KIAA0319: variants seen among roughly 807,000 people sequenced by gnomAD.
KIAA0319 encodes the protein KIAA0319.
Under a neutral mutation model 108.4 loss-of-function variants are expected in KIAA0319, and 83 were observed. The ratio of observed to expected loss-of-function variants is 0.77; its 90% confidence interval spans 0.64 to 0.92. The LOEUF (loss-of-function observed/expected upper bound fraction) is 0.92. Among genes scored for constraint, KIAA0319 ranks in the 40% least tolerant of loss-of-function variants. KIAA0319 has a pLI of 0.00. For synonymous variants in KIAA0319, 484 were observed against 510.4 expected (o/e 0.95, Z 0.70); for missense variants, 1,195 against 1,322.4 (o/e 0.90, Z 1.49).
chr6:24,583,682 C>A lies in KIAA0319; in HGVS notation c.1015G>T (p.Ala339Ser). The A allele has an allele frequency of 6.2e-7, 1 of 1,612,036 alleles. No homozygotes were observed. The highest frequency in any genetic ancestry group is 8.5e-7 in the Non-Finnish European group (1 of 1,178,368). Residue 339 changes from alanine to serine, a missense_variant, in exon 5 of 21, where the codon GCT (alanine) becomes TCT (serine). Physicochemically the swap from Ala to Ser is moderately conservative, Grantham distance 99. Coordinates refer to ENST00000378214, the MANE Select transcript of KIAA0319 (RefSeq NM_014809.4). ...AAAGTTATAATTAGGTTATCTCCAGCCGATACCGTAAGTTCTTTCACTAAA... is the reference window on the plus strand; with the variant it reads ...AAAGTTATAATTAGGTTATCTCCAGACGATACCGTAAGTTCTTTCACTAAA... ...PRTVKELTVS[A>S]GDNLIITLPD...
chr6:24,617,782 T>A (rs1773368845), intron 1 of KIAA0319, among the ~76,000 whole-genome samples: 1 of 151,678 alleles, frequency 6.6e-6, no homozygotes, highest in African/African-American at 2.4e-5. Context: ...AGGTCAGGAG[T>A]TCAAGACCAG....
chr6:24,557,685 C>T (rs940918653), intron 17 of KIAA0319, among the ~76,000 whole-genome samples: 2 of 151,962 alleles, frequency 1.3e-5, no homozygotes, highest in Non-Finnish European at 2.9e-5. Context: ...GGAGCATATC[C>T]AGGGTAGAAT....
intron 1 of KIAA0319, among the ~76,000 whole-genome samples, chr6:24,610,940 T>C (rs1187350286): frequency 1.3e-5 from 2 of 152,118 alleles, no homozygotes; most frequent in Non-Finnish European, 2.9e-5. Context: ...TGCTAGAGCA[T>C]GATAAACTTT....
intron 11 of KIAA0319, among the ~76,000 whole-genome samples, chr6:24,570,415 C>A (rs1012821358): frequency 6.6e-6 from 1 of 151,972 alleles, no homozygotes; most frequent in Non-Finnish European, 1.5e-5. Context: ...GGTGAAACCC[C>A]GTCTCTACTA....
intron 19 of KIAA0319, among the ~76,000 whole-genome samples, chr6:24,553,308 C>T (rs1409324609): frequency 4.9e-4 from 54 of 109,524 alleles, no homozygotes; most frequent in South Asian, 4.1e-3. Flanking sequence ...CACACACACA[C>T]ACACACACAC....
intron 17 of KIAA0319, among the ~76,000 whole-genome samples, chr6:24,556,999 G>T (rs945207045): frequency 6.6e-6 from 1 of 152,188 alleles, no homozygotes. Context: ...AAGGTCAGGA[G>T]ATCCAGACCA....
At chr6:24,630,173 T>C (rs1273222163) in intron 1 of KIAA0319, among the ~76,000 whole-genome samples, 1 of 151,542 alleles carries the variant, frequency 6.6e-6, no homozygotes, top group Non-Finnish European at 1.5e-5. Flanking sequence ...AGTGAGACTC[T>C]GTCTAAAAAA....
At position 24,546,429 on chromosome 6, in the gene KIAA0319, T is replaced by C. The variant is rs1760641626; in HGVS notation, c.*736A>G. 2.0e-5 allele frequency: 3 copies of C among 151,938 alleles called. No individual in the cohort carries two copies. In the South Asian group the frequency reaches 6.2e-4, roughly 32 times the overall value. 9.4% of individuals were successfully genotyped at this position (151,938 alleles called of 1,614,324 possible). Reference sequence around the variant, plus strand: ...ACAACACCGAGAGGAGTCAGTGTAGTTTTTCTTAGAGAAAGAAAAGATAAT... The same window carrying C: ...ACAACACCGAGAGGAGTCAGTGTAGCTTTTCTTAGAGAAAGAAAAGATAAT... On this transcript the variant is annotated 3_prime_UTR_variant, in exon 21 of 21. Coordinates refer to ENST00000378214, the MANE Select transcript of KIAA0319 (RefSeq NM_014809.4).
intron 16 of KIAA0319, among the ~76,000 whole-genome samples, chr6:24,560,021 A>G (rs549153645): frequency 9.2e-5 from 14 of 152,216 alleles, no homozygotes; most frequent in South Asian, 2.1e-4. Context: ...TCCATGTTGT[A>G]GCACACATCA....
intron 1 of KIAA0319, among the ~76,000 whole-genome samples, chr6:24,619,345 C>A (rs1169923502): frequency 1.3e-5 from 2 of 152,062 alleles, no homozygotes; most frequent in African/African-American, 4.8e-5. Context: ...GTAGTGAAGG[C>A]CCTGAGGAGT....
At chr6:24,554,233 A>G (rs1257034934) in intron 19 of KIAA0319, among the ~76,000 whole-genome samples, 2 of 152,210 alleles carry the variant, frequency 1.3e-5, no homozygotes, top group Non-Finnish European at 2.9e-5. Context: ...ATGGTCACAG[A>G]AGTCTTCTGT....
At chr6:24,602,788 G>A (rs114993464) in intron 1 of KIAA0319, among the ~76,000 whole-genome samples, 4,402 of 151,460 alleles carry the variant, frequency 0.029, 83 homozygotes, top group Non-Finnish European at 0.043. Flanking sequence ...GCTACACAGC[G>A]AGACCCCGTC....
At chr6:24,567,592 T>C (rs962573325) in intron 13 of KIAA0319, among the ~76,000 whole-genome samples, 27 of 152,210 alleles carry the variant, frequency 1.8e-4, no homozygotes, top group African/African-American at 6.5e-4. Context: ...ACCCAGCTAC[T>C]CAGGAAGCTG....
chr6:24,624,017 CTTTTTTTTT>C (rs536970883), intron 1 of KIAA0319, among the ~76,000 whole-genome samples: 19 of 50,540 alleles, frequency 3.8e-4, no homozygotes, highest in Non-Finnish European at 5.8e-4. Flanking sequence ...TCTTTGTTTT[CTTTTTTTTT>C]TTTTTTTTTT....
chr6:24,561,646 G>C (rs564985811), intron 16 of KIAA0319, among the ~76,000 whole-genome samples: 1 of 152,040 alleles, frequency 6.6e-6, no homozygotes, highest in South Asian at 2.1e-4. Context: ...CCTCCCAAGT[G>C]ATCCTCTCAC....
intron 1 of KIAA0319, among the ~76,000 whole-genome samples, chr6:24,642,499 C>G (rs1777096947): frequency 6.6e-6 from 1 of 152,152 alleles, no homozygotes; most frequent in African/African-American, 2.4e-5. Flanking sequence ...GCCCATACTT[C>G]CCCATCATCA....
At chr6:24,610,324 A>T (rs1288164837) in intron 1 of KIAA0319, among the ~76,000 whole-genome samples, 1 of 152,258 alleles carries the variant, frequency 6.6e-6, no homozygotes, top group African/African-American at 2.4e-5. Flanking sequence ...TAATAAGCTC[A>T]TGAAAATATG....
At chr6:24,605,293 A>G (rs1401268587) in intron 1 of KIAA0319, among the ~76,000 whole-genome samples, 1 of 152,234 alleles carries the variant, frequency 6.6e-6, no homozygotes, top group African/African-American at 2.4e-5. Flanking sequence ...TTTCAGAGTC[A>G]GTCTTTATAC....
Position 24,578,160 on chromosome 6 carries a change from G to A in KIAA0319, c.1455C>T (p.Asp485=). 6.2e-7 allele frequency: 1 copy of A among 1,613,246 alleles called. No homozygotes were observed. The highest frequency in any genetic ancestry group is 8.5e-7 in the Non-Finnish European group (1 of 1,179,374). ...GPFIEEKTSV[D]SPVLRLSNLD... is the part of the protein sequence containing the mutation. ...GGTTAGACAAGCGTAAGACGGGAGA[G>A]TCAACTGAAGTCTTCTCTTCTATGA... Residue 485 remains aspartate (D), a synonymous_variant, in exon 9 of 21, where the codon GAC becomes GAT. Coordinates refer to ENST00000378214, the MANE Select transcript of KIAA0319 (RefSeq NM_014809.4).
Sources: gnomAD v4.1 joint callset for allele counts (sites outside exome capture counted in the v4.1 genomes callset) on GRCh38, gnomAD v4.1.1 for gene constraint, MANE v1.5 for transcripts, NCBI Gene and HGNC (gene_info 2026-07-23, HGNC 2026-07-21) for gene names.